The following LSAMP variants were observed in gnomAD, a reference collection of about 807,000 sequenced individuals.
LSAMP encodes limbic system associated membrane protein.
Under a neutral mutation model 38.6 loss-of-function variants are expected in LSAMP, and 7 were observed. The ratio of observed to expected loss-of-function variants is 0.18; its 90% CI spans 0.10 to 0.34. The LOEUF is 0.34. Among genes scored for constraint, LSAMP ranks in the 10% least tolerant of loss-of-function variants. The probability of loss-of-function intolerance (pLI) is 1.00; values close to 1 mark genes in which losing one functional copy is unlikely to be tolerated. For synonymous variants in LSAMP, 154 were observed against 166.8 expected (o/e 0.92, Z 0.59); for missense variants, 313 against 420.0 (o/e 0.75, Z 2.23).
intron 1 of LSAMP, among the ~76,000 whole-genome samples, chr3:116,109,008 T>C (rs1415907515): frequency 6.6e-6 from 1 of 152,102 alleles, no homozygotes; most frequent in Non-Finnish European, 1.5e-5. Flanking sequence ...CGGGAGCAGA[T>C]TGGGTAATAA....
intron 2 of LSAMP, among the ~76,000 whole-genome samples, chr3:116,053,121 G>A (rs1298803211): frequency 6.6e-6 from 1 of 152,162 alleles, no homozygotes; most frequent in East Asian, 1.9e-4. Context: ...GATCTCAACA[G>A]TAAAACTGAG....
At chr3:115,951,177 A>T (rs1190382667) in intron 3 of LSAMP, among the ~76,000 whole-genome samples, 1 of 152,236 alleles carries the variant, frequency 6.6e-6, no homozygotes, top group Non-Finnish European at 1.5e-5. Context: ...TCTCCAGAAG[A>T]TAACATCAGA....
intron 6 of LSAMP, among the ~76,000 whole-genome samples, chr3:115,827,533 C>T (rs2918217): frequency 0.24 from 36,118 of 151,946 alleles, 5,495 homozygotes; most frequent in African/African-American, 0.42. Context: ...GAGACTATGT[C>T]AGTGGTAATG....
intron 3 of LSAMP, among the ~76,000 whole-genome samples, chr3:116,014,730 T>C (rs904479155): frequency 2.0e-5 from 3 of 152,194 alleles, no homozygotes; most frequent in Non-Finnish European, 4.4e-5. Context: ...TTCTTTGTGT[T>C]AAATATGAAA....
At chr3:116,275,768 A>C (rs1250294305) in intron 1 of LSAMP, among the ~76,000 whole-genome samples, 2 of 151,696 alleles carry the variant, frequency 1.3e-5, no homozygotes, top group Non-Finnish European at 2.9e-5. Flanking sequence ...CTATATTTCC[A>C]TCTCTAATTC....
intron 3 of LSAMP, among the ~76,000 whole-genome samples, chr3:115,870,840 A>G (rs2107393936): frequency 6.6e-6 from 1 of 152,298 alleles, no homozygotes; most frequent in South Asian, 2.1e-4. Context: ...GTAAAAGTTT[A>G]GAATCAGACT....
At chr3:116,341,154 A>C (rs918564266) in intron 1 of LSAMP, among the ~76,000 whole-genome samples, 1 of 152,050 alleles carries the variant, frequency 6.6e-6, no homozygotes, top group Admixed American at 6.6e-5. Context: ...TCTCTATGAA[A>C]ATATAGAAAT....
intron 1 of LSAMP, among the ~76,000 whole-genome samples, chr3:116,090,405 A>G (rs770372424): frequency 6.6e-6 from 1 of 152,196 alleles, no homozygotes; most frequent in Non-Finnish European, 1.5e-5. Context: ...CTGAATCACC[A>G]ATAAGCATCA....
chr3:115,843,713 T>C (rs1056703571), intron 4 of LSAMP, among the ~76,000 whole-genome samples: 2 of 152,018 alleles, frequency 1.3e-5, no homozygotes, highest in African/African-American at 4.8e-5. Context: ...TAAAAAACTA[T>C]TGCCTAAGTT....
chr3:115,895,674 G>A (rs1162613820), intron 3 of LSAMP, among the ~76,000 whole-genome samples: 1 of 152,038 alleles, frequency 6.6e-6, no homozygotes, highest in African/African-American at 2.4e-5. Flanking sequence ...AGAAGAATAT[G>A]TGACAAATTT....
rs1430748414 is a variant in LSAMP, at chr3:115,805,541, A to G, written c.*4776T>C. ...CCTAATTTATTAATCAGCACGCAGCATGTAAATGTGCTCAAAAGAAATCAA... is the reference window on the plus strand; with the variant it reads ...CCTAATTTATTAATCAGCACGCAGCGTGTAAATGTGCTCAAAAGAAATCAA... On this transcript the variant is annotated 3_prime_UTR_variant, in exon 7 of 7. Coordinates refer to ENST00000490035, the MANE Select transcript of LSAMP (RefSeq NM_002338.5). 2 of 152,210 alleles carry G rather than the reference A, an allele frequency of 1.3e-5. No individual in the cohort carries two copies. Among genetic ancestry groups the G allele is most frequent in the Non-Finnish European group, 2.9e-5 (2 of 68,020 alleles). 9.4% of individuals were successfully genotyped at this position (152,210 alleles called of 1,614,324 possible).
At chr3:115,967,583 A>G (rs1938860556) in intron 3 of LSAMP, among the ~76,000 whole-genome samples, 1 of 152,076 alleles carries the variant, frequency 6.6e-6, no homozygotes, top group African/African-American at 2.4e-5. Flanking sequence ...CCATTTTCAT[A>G]CTGCTGATAA....
intron 1 of LSAMP, among the ~76,000 whole-genome samples, chr3:116,130,511 T>C (rs887777629): frequency 1.3e-5 from 2 of 152,180 alleles, no homozygotes; most frequent in Non-Finnish European, 2.9e-5. Context: ...TTACAAATGT[T>C]GTCATTTTAA....
At chr3:116,038,940 T>C (rs1398058063) in intron 2 of LSAMP, among the ~76,000 whole-genome samples, 1 of 152,228 alleles carries the variant, frequency 6.6e-6, no homozygotes, top group Non-Finnish European at 1.5e-5. Flanking sequence ...ATACTTTGCA[T>C]AGCATTTACT....
chr3:116,082,906 G>A (rs1707903606), intron 2 of LSAMP, among the ~76,000 whole-genome samples: 1 of 152,148 alleles, frequency 6.6e-6, no homozygotes, highest in Admixed American at 6.5e-5. Context: ...GGTGGGAGGA[G>A]AGAGAGGATA....
At chr3:116,191,565 T>C (rs1362357064) in intron 1 of LSAMP, among the ~76,000 whole-genome samples, 1 of 152,016 alleles carries the variant, frequency 6.6e-6, no homozygotes, top group African/African-American at 2.4e-5. Context: ...CAGTCAACTT[T>C]TGGATCCCAG....
chr3:115,901,407 C>T (rs911587600), intron 3 of LSAMP, among the ~76,000 whole-genome samples: 26 of 152,050 alleles, frequency 1.7e-4, no homozygotes, highest in Admixed American at 1.6e-3. Context: ...AGATGCTTCC[C>T]GAAATAGTGT....
chr3:116,143,610 A>G (rs983093938), intron 1 of LSAMP, among the ~76,000 whole-genome samples: 5 of 151,978 alleles, frequency 3.3e-5, no homozygotes, highest in African/African-American at 7.2e-5. Context: ...TCACAAAATT[A>G]AAAGTCTACT....
At chr3:115,856,770 C>G (rs562693535) in intron 3 of LSAMP, among the ~76,000 whole-genome samples, 2 of 152,262 alleles carry the variant, frequency 1.3e-5, no homozygotes, top group East Asian at 1.9e-4. Context: ...TCTTGGACTT[C>G]CCAAGCTCCA....
Sources: gnomAD v4.1 joint callset for allele counts (sites outside exome capture counted in the v4.1 genomes callset) on GRCh38, gnomAD v4.1.1 for gene constraint, MANE v1.5 for transcripts, NCBI Gene and HGNC (gene_info 2026-07-23, HGNC 2026-07-21) for gene names.